Variants in RAB6A observed in about 807,000 individuals in gnomAD.
RAB6A encodes ras-related protein Rab-6A.
Under a neutral mutation model 32.3 loss-of-function variants are expected in RAB6A, and 8 were observed. The observed-to-expected ratio is 0.25, with a 90% CI of 0.15 to 0.45. RAB6A has a LOEUF of 0.45. Among genes scored for constraint, RAB6A ranks in the 20% least tolerant of loss-of-function variants. The pLI is 1.00. For missense variants in RAB6A, 104 were observed against 249.4 expected, an observed-to-expected ratio of 0.42 and a Z score of 3.93; for synonymous variants, 73 against 82.1, an observed-to-expected ratio of 0.89 and a Z score of 0.60.
intron 2 of RAB6A, 83 bp downstream of exon 2, chr11:73,730,682 C>T: frequency 9.1e-7 from 1 of 1,098,828 alleles, no homozygotes; most frequent in Non-Finnish European, 1.4e-6. Context: ...TCCACAACTG[C>T]AAGTAAATAA....
rs71469461 is a variant in RAB6A, at chr11:73,679,727, GAA to G, written c.496-9_496-8del. Reference sequence around the variant, plus strand: ...CTGCTACACGTCGAAAGAGCTGTGGGAAAGAGAGAAAAGTGATAACTGAGAGG... The same window carrying G: ...CTGCTACACGTCGAAAGAGCTGTGGGAGAGAGAAAAGTGATAACTGAGAGG... On this transcript the variant is annotated splice_polypyrimidine_tract_variant and splice_region_variant and intron_variant, in intron 6 of 7. Coordinates refer to ENST00000336083, the MANE Select transcript of RAB6A (RefSeq NM_198896.2). 0.56 allele frequency: 895,300 copies of G among 1,613,136 alleles called. 253,651 individuals carry two copies. Among genetic ancestry groups the G allele is most frequent in the Admixed American group, 0.59 (35,390 of 59,968 alleles).
At chr11:73,749,813 G>GA (rs1301559110) in intron 1 of RAB6A, among the ~76,000 whole-genome samples, 1 of 152,088 alleles carries the variant, frequency 6.6e-6, no homozygotes, top group Non-Finnish European at 1.5e-5. Flanking sequence ...AGTGAGCTGT[G>GA]ATCACATCAC....
chr11:73,720,649 CTCTT>C (rs1946122207), intron 3 of RAB6A, among the ~76,000 whole-genome samples, 193 bp downstream of exon 3: 2 of 152,144 alleles, frequency 1.3e-5, no homozygotes, highest in African/African-American at 4.8e-5. Context: ...CTCTGTAAAG[CTCTT>C]TGTTTTCATT....
intron 6 of RAB6A, among the ~76,000 whole-genome samples, chr11:73,690,976 GCA>G (rs1310633511): frequency 1.4e-5 from 2 of 141,644 alleles, no homozygotes; most frequent in Non-Finnish European, 3.0e-5. Flanking sequence ...GATAGGTTAA[GCA>G]CCTCACACAG....
At chr11:73,693,973 T>A (rs901352426) in intron 6 of RAB6A, among the ~76,000 whole-genome samples, 4 of 152,170 alleles carry the variant, frequency 2.6e-5, no homozygotes. Context: ...GAAAGCTTTC[T>A]TGAAAGGTTA....
At chr11:73,687,240 G>A (rs1945473397) in intron 6 of RAB6A, among the ~76,000 whole-genome samples, 1 of 152,064 alleles carries the variant, frequency 6.6e-6, no homozygotes, top group African/African-American at 2.4e-5. Flanking sequence ...GAAATAAGGA[G>A]TTATTATTTA....
chr11:73,755,308 T>C (rs1946729448), intron 1 of RAB6A, among the ~76,000 whole-genome samples: 1 of 151,360 alleles, frequency 6.6e-6, no homozygotes, highest in Admixed American at 6.6e-5. Context: ...TATTCATTTA[T>C]TTTGAGATGG....
chr11:73,699,018 A>AT (rs369667280), intron 6 of RAB6A, among the ~76,000 whole-genome samples: 3 of 151,724 alleles, frequency 2.0e-5, no homozygotes, highest in South Asian at 2.1e-4. Context: ...CACCCAGCTA[A>AT]TTTTTTGTAT....
At chr11:73,733,405 C>T (rs919214758) in intron 1 of RAB6A, among the ~76,000 whole-genome samples, 5 of 151,722 alleles carry the variant, frequency 3.3e-5, no homozygotes, top group Non-Finnish European at 7.4e-5. Context: ...AAGAATTAGC[C>T]GGGTGTGGTG....
intron 2 of RAB6A, among the ~76,000 whole-genome samples, chr11:73,725,206 A>C (rs995605885): frequency 6.6e-6 from 1 of 152,228 alleles, no homozygotes; most frequent in Non-Finnish European, 1.5e-5. Flanking sequence ...TAAGGGTCAA[A>C]GAAGAGTGGT....
At chr11:73,692,673 G>C (rs1945589207) in intron 6 of RAB6A, among the ~76,000 whole-genome samples, 1 of 151,310 alleles carries the variant, frequency 6.6e-6, no homozygotes, top group Admixed American at 6.6e-5. Flanking sequence ...AATGCCTGCC[G>C]GGCGCGGTGG....
At chr11:73,759,506 A>G (rs1946809582) in intron 1 of RAB6A, among the ~76,000 whole-genome samples, 1 of 152,190 alleles carries the variant, frequency 6.6e-6, no homozygotes, top group Non-Finnish European at 1.5e-5. Context: ...CCCAAATGGT[A>G]TTTAAATCTA....
chr11:73,701,791 T>C (rs957491440), intron 6 of RAB6A, among the ~76,000 whole-genome samples: 31 of 152,112 alleles, frequency 2.0e-4, no homozygotes, highest in African/African-American at 7.5e-4. Flanking sequence ...TAGTTGGGAC[T>C]ACCACGCTGG....
chr11:73,732,308 C>T (rs547211815), intron 1 of RAB6A, among the ~76,000 whole-genome samples: 3 of 152,000 alleles, frequency 2.0e-5, no homozygotes, highest in South Asian at 2.1e-4. Flanking sequence ...CCTAAAAGGC[C>T]GGGTGCGGTG....
At chr11:73,758,070 A>G (rs558319612) in intron 1 of RAB6A, among the ~76,000 whole-genome samples, 23 of 152,252 alleles carry the variant, frequency 1.5e-4, no homozygotes, top group Non-Finnish European at 2.6e-4. Flanking sequence ...TGAATTGTGG[A>G]ATTCTAACAG....
intron 2 of RAB6A, among the ~76,000 whole-genome samples, chr11:73,725,454 G>T (rs1946202016): frequency 6.6e-6 from 1 of 152,200 alleles, no homozygotes; most frequent in Non-Finnish European, 1.5e-5. Flanking sequence ...GCCCGAGACT[G>T]GGTAATTTAT....
chr11:73,700,548 T>C (rs1945723336), intron 6 of RAB6A, among the ~76,000 whole-genome samples: 1 of 118,530 alleles, frequency 8.4e-6, no homozygotes, highest in South Asian at 2.8e-4. Context: ...CATACCACTA[T>C]ACTCCAGCCT....
intron 2 of RAB6A, among the ~76,000 whole-genome samples, chr11:73,727,001 A>C (rs1006994102): frequency 6.6e-6 from 1 of 152,186 alleles, no homozygotes; most frequent in African/African-American, 2.4e-5. Context: ...GTCTATGTGA[A>C]CATTATAGTT....
At chr11:73,712,352 C>T (rs967517038) in intron 5 of RAB6A, among the ~76,000 whole-genome samples, 2 of 143,228 alleles carry the variant, frequency 1.4e-5, no homozygotes, top group African/African-American at 2.5e-5. Flanking sequence ...CTGTTCCTAG[C>T]TTTTCCTTTT....
Sources: gnomAD v4.1 joint callset for allele counts (sites outside exome capture counted in the v4.1 genomes callset) on GRCh38, gnomAD v4.1.1 for gene constraint, MANE v1.5 for transcripts, NCBI Gene and HGNC (gene_info 2026-07-23, HGNC 2026-07-21) for gene names.